Variants in GRID2 observed in about 807,000 individuals in gnomAD.
The protein encoded by GRID2 is glutamate receptor ionotropic, delta-2.
A neutral mutation model predicts 114.8 loss-of-function variants in GRID2; 33 were observed. The observed-to-expected ratio is 0.29, with a 90% confidence interval of 0.22 to 0.38. The LOEUF (loss-of-function observed/expected upper bound fraction) is 0.38. Among genes scored for constraint, GRID2 ranks in the 10% least tolerant of loss-of-function variants. The probability of loss-of-function intolerance (pLI) is 1.00; values close to 1 mark genes in which losing one functional copy is unlikely to be tolerated. For missense variants in GRID2, 1,184 were observed against 1,257.7 expected (o/e 0.94, Z 0.89); for synonymous variants, 505 against 449.9 (o/e 1.12, Z -1.55).
chr4:93,577,128 T>G (rs1736500650), intron 13 of GRID2, among the ~76,000 whole-genome samples: 1 of 152,204 alleles, frequency 6.6e-6, no homozygotes, highest in Admixed American at 6.5e-5. Context: ...CATTTCTTCC[T>G]TAATTAAGCA....
At chr4:93,563,798 T>C (rs1735142921) in intron 13 of GRID2, among the ~76,000 whole-genome samples, 1 of 151,976 alleles carries the variant, frequency 6.6e-6, no homozygotes, top group Non-Finnish European at 1.5e-5. Context: ...AGAAAAGTTT[T>C]TGTTGGATTC....
chr4:93,056,773 A>C (rs1727287689), intron 2 of GRID2, among the ~76,000 whole-genome samples: 1 of 151,968 alleles, frequency 6.6e-6, no homozygotes, highest in Non-Finnish European at 1.5e-5. Context: ...AAGAAAGCAC[A>C]GAATTTCTTG....
chr4:93,736,871 A>AC (rs1730967507), intron 14 of GRID2, among the ~76,000 whole-genome samples: 12 of 151,698 alleles, frequency 7.9e-5, no homozygotes, highest in Admixed American at 7.9e-4. Flanking sequence ...CAAAAAAAAA[A>AC]AAAAAAAAAT....
chr4:92,922,110 A>G (rs1009834450), intron 2 of GRID2, among the ~76,000 whole-genome samples: 5 of 152,094 alleles, frequency 3.3e-5, no homozygotes, highest in African/African-American at 7.2e-5. Context: ...TGTGCTAGCA[A>G]TGAGTGAGGC....
intron 2 of GRID2, among the ~76,000 whole-genome samples, chr4:92,617,644 T>G (rs1430504281): frequency 6.6e-6 from 1 of 151,770 alleles, no homozygotes; most frequent in Non-Finnish European, 1.5e-5. Context: ...TTTCCTTCCT[T>G]TTCTCTACAT....
chr4:92,665,332 C>T (rs569821364), intron 2 of GRID2, among the ~76,000 whole-genome samples: 2 of 150,138 alleles, frequency 1.3e-5, no homozygotes, highest in East Asian at 3.9e-4. Context: ...TAGTTTCCAC[C>T]CTGTTCAGTA....
chr4:92,342,909 C>T (rs140898543), intron 1 of GRID2, among the ~76,000 whole-genome samples: 10 of 152,006 alleles, frequency 6.6e-5, no homozygotes, highest in African/African-American at 9.7e-5. Flanking sequence ...ATCTCGGTCC[C>T]GTGTGTTCAC....
At chr4:93,003,411 CT>C (rs2149219593) in intron 2 of GRID2, among the ~76,000 whole-genome samples, 1 of 152,042 alleles carries the variant, frequency 6.6e-6, no homozygotes, top group Non-Finnish European at 1.5e-5. Flanking sequence ...AATGGTCCTA[CT>C]GCTTTATATC....
intron 3 of GRID2, among the ~76,000 whole-genome samples, chr4:93,096,010 A>G (rs188632860): frequency 2.2e-4 from 33 of 152,090 alleles, no homozygotes; most frequent in African/African-American, 6.7e-4. Flanking sequence ...TGATATTGGC[A>G]TAAGGATTGA....
chr4:92,821,165 T>C (rs1334237898), intron 2 of GRID2, among the ~76,000 whole-genome samples: 1 of 152,174 alleles, frequency 6.6e-6, no homozygotes, highest in Non-Finnish European at 1.5e-5. Flanking sequence ...TTCAACATAA[T>C]TTAGGCCAGA....
At chr4:92,540,592 G>T (rs897731779) in intron 1 of GRID2, among the ~76,000 whole-genome samples, 12 of 152,178 alleles carry the variant, frequency 7.9e-5, no homozygotes, top group African/African-American at 2.9e-4. Context: ...ACCACAATGA[G>T]ATATCATCTT....
At chr4:92,854,245 T>C (rs1323792462) in intron 2 of GRID2, among the ~76,000 whole-genome samples, 1 of 151,984 alleles carries the variant, frequency 6.6e-6, no homozygotes, top group African/African-American at 2.4e-5. Flanking sequence ...ATGTTTGAAT[T>C]AATGTGCTGT....
chr4:92,783,837 T>G (rs562211816), intron 2 of GRID2, among the ~76,000 whole-genome samples: 1 of 152,064 alleles, frequency 6.6e-6, no homozygotes, highest in South Asian at 2.1e-4. Flanking sequence ...CAGTGAGTTA[T>G]GATCATGCTA....
chr4:93,645,061 G>A (rs542284146), intron 14 of GRID2, among the ~76,000 whole-genome samples: 8 of 152,138 alleles, frequency 5.3e-5, no homozygotes, highest in Non-Finnish European at 1.2e-4. Flanking sequence ...AATATTAGCT[G>A]AGTGAAAAAA....
chr4:92,715,541 A>AC (rs1249131676), intron 2 of GRID2, among the ~76,000 whole-genome samples: 2 of 152,222 alleles, frequency 1.3e-5, no homozygotes, highest in East Asian at 3.9e-4. Context: ...TGGGCAATTT[A>AC]CAAAAAAAAA....
intron 8 of GRID2, among the ~76,000 whole-genome samples, chr4:93,287,402 A>G (rs1422886581): frequency 6.6e-6 from 1 of 152,160 alleles, no homozygotes; most frequent in African/African-American, 2.4e-5. Flanking sequence ...GTTGCAGAGG[A>G]AAGAGTTTCC....
intron 1 of GRID2, among the ~76,000 whole-genome samples, chr4:92,504,727 G>T (rs571825613): frequency 2.0e-5 from 3 of 151,608 alleles, no homozygotes; most frequent in Non-Finnish European, 2.9e-5. Context: ...AAACAGATAG[G>T]TTCCTAAAAT....
rs559820536 is a variant in GRID2 at position 93,256,490 on chromosome 4, C to T, written c.1245+18000C>T. ...ATGATGGGGCTGTTATATCAATCCC[C>T]TTTTCCAAGAAGCCATTTGGGTGAA... On this transcript the variant is annotated intron_variant, in intron 8 of 15. Coordinates refer to ENST00000282020, the MANE Select transcript of GRID2 (RefSeq NM_001510.4). Among the ~76,000 whole-genome samples, 5 of 151,662 alleles carry T rather than the reference C, an allele frequency of 3.3e-5. No individual in the cohort carries two copies. The East Asian group carries it at 9.7e-4, about 29-fold the overall frequency.
At chr4:92,621,652 T>C (rs1259274568) in intron 2 of GRID2, among the ~76,000 whole-genome samples, 2 of 151,646 alleles carry the variant, frequency 1.3e-5, no homozygotes, top group African/African-American at 4.8e-5. Flanking sequence ...AAGCGAGACA[T>C]CATCTCTTAA....
Sources: allele counts gnomAD v4.1 joint callset (sites outside exome capture counted in the v4.1 genomes callset), GRCh38; gene constraint gnomAD v4.1.1; transcripts MANE v1.5; gene names NCBI Gene and HGNC (gene_info 2026-07-23, HGNC 2026-07-21).